FCHSD2: variants seen among roughly 807,000 people sequenced by gnomAD.
The protein encoded by FCHSD2 is FCH and double SH3 domains 2.
FCHSD2 carries 38 observed loss-of-function variants against 108.1 expected under a neutral mutation model. The ratio of observed to expected loss-of-function variants is 0.35; its 90% confidence interval spans 0.27 to 0.46. The LOEUF is 0.46. Ranked by LOEUF, FCHSD2 falls within the 20% of genes least tolerant of loss-of-function variation. The pLI is 1.00. For missense variants in FCHSD2, 751 were observed against 897.8 expected (o/e 0.84, Z 2.09); for synonymous variants, 279 against 314.7 (o/e 0.89, Z 1.20).
intron 8 of FCHSD2, among the ~76,000 whole-genome samples, chr11:72,932,314 C>T (rs1403363212): frequency 1.3e-5 from 2 of 152,174 alleles, no homozygotes; most frequent in East Asian, 1.9e-4. Flanking sequence ...CTCATTTCCA[C>T]TCTGCAGCTA....
intron 2 of FCHSD2, among the ~76,000 whole-genome samples, chr11:73,097,741 T>G (rs1860125479): frequency 6.6e-6 from 1 of 152,086 alleles, no homozygotes; most frequent in Non-Finnish European, 1.5e-5. Flanking sequence ...TCACCTGAAT[T>G]ATCTAATTTT....
At chr11:73,081,040 T>C (rs887435980) in intron 3 of FCHSD2, among the ~76,000 whole-genome samples, 4 of 152,120 alleles carry the variant, frequency 2.6e-5, no homozygotes, top group East Asian at 1.9e-4. Flanking sequence ...CTTTTAATCT[T>C]TGTGGAAAAA....
At chr11:72,944,047 T>G (rs1426406201) in intron 8 of FCHSD2, among the ~76,000 whole-genome samples, 1 of 152,238 alleles carries the variant, frequency 6.6e-6, no homozygotes, top group East Asian at 1.9e-4. Flanking sequence ...TAACTCATTT[T>G]ATGAGGCCAG....
At chr11:72,962,084 G>T (rs1014764326) in intron 8 of FCHSD2, among the ~76,000 whole-genome samples, 15 of 152,174 alleles carry the variant, frequency 9.9e-5, no homozygotes, top group Non-Finnish European at 5.9e-5. Flanking sequence ...TCTTCTAACT[G>T]AAGACAGTAA....
intron 8 of FCHSD2, among the ~76,000 whole-genome samples, chr11:72,934,109 A>AC: frequency 1.0e-5 from 1 of 97,998 alleles, no homozygotes; most frequent in African/African-American, 3.6e-5. Flanking sequence ...ACACTGTCTC[A>AC]GAAAAAAAAA....
chr11:72,951,772 A>G (rs1429891911), intron 8 of FCHSD2, among the ~76,000 whole-genome samples: 1 of 152,026 alleles, frequency 6.6e-6, no homozygotes, highest in Non-Finnish European at 1.5e-5. Flanking sequence ...TTTCCCATTG[A>G]TTTGAGGTTT....
At chr11:72,972,807 A>G (rs1857032404) in intron 8 of FCHSD2, among the ~76,000 whole-genome samples, 1 of 152,222 alleles carries the variant, frequency 6.6e-6, no homozygotes, top group Non-Finnish European at 1.5e-5. Flanking sequence ...ATCACATCCA[A>G]TTCATCTCTG....
intron 4 of FCHSD2, among the ~76,000 whole-genome samples, chr11:73,003,686 C>T (rs1012873799): frequency 1.5e-4 from 23 of 151,382 alleles, no homozygotes; most frequent in African/African-American, 5.6e-4. Flanking sequence ...CGGGGTTTCA[C>T]CGTTTTAGCC....
intron 2 of FCHSD2, among the ~76,000 whole-genome samples, chr11:73,114,020 G>T (rs1860552475): frequency 6.6e-6 from 1 of 152,068 alleles, no homozygotes; most frequent in South Asian, 2.1e-4. Context: ...TCCCTTTAGG[G>T]TGGCAATTTC....
intron 2 of FCHSD2, among the ~76,000 whole-genome samples, chr11:73,096,987 A>ATTTGTTTTTTTTTTTTTTTTTTTTT (rs1860096701): frequency 3.7e-5 from 1 of 27,020 alleles, no homozygotes; most frequent in African/African-American, 2.0e-4. Context: ...TCATTGATGG[A>ATTTGTTTTTTTTTTTTTTTTTTTTT]TTTTTTTTTT....
At chr11:73,003,488 A>AT (rs574233006) in intron 4 of FCHSD2, among the ~76,000 whole-genome samples, 2,425 of 139,324 alleles carry the variant, frequency 0.017, 34 homozygotes, top group Middle Eastern at 0.034. Flanking sequence ...TCATAGAGTG[A>AT]TTTTTTTTTT....
At chr11:72,868,553 T>C (rs1257743213) in intron 12 of FCHSD2, among the ~76,000 whole-genome samples, 2 of 152,010 alleles carry the variant, frequency 1.3e-5, no homozygotes, top group African/African-American at 4.8e-5. Context: ...TAGCTAGGCA[T>C]GGTATCATGG....
At chr11:72,910,378 C>T (rs998966985) in intron 9 of FCHSD2, among the ~76,000 whole-genome samples, 36 of 151,748 alleles carry the variant, frequency 2.4e-4, no homozygotes, top group African/African-American at 8.7e-4. Context: ...GCGGTTTTGT[C>T]GAAAAGAAAA....
chr11:73,072,012 T>C (rs181424075), intron 3 of FCHSD2, among the ~76,000 whole-genome samples: 74 of 152,020 alleles, frequency 4.9e-4, no homozygotes, highest in African/African-American at 1.7e-3. Context: ...TGATCAGCGG[T>C]CAGGGCAGGG....
At position 72,940,979 on chromosome 11, in the gene FCHSD2, T is replaced by C. The variant is rs1241340693; in HGVS notation, c.706-19029A>G. On this transcript the variant is annotated intron_variant, in intron 8 of 19. Coordinates refer to ENST00000409418, the MANE Select transcript of FCHSD2 (RefSeq NM_014824.3). ...AAAGCAGTCTATAAGCACAGGGAGA[T>C]GTGTGGGCTGACATCTACAGGCCGA... The C allele has an allele frequency of 1.7e-5, 13 of 750,862 alleles. 1 individual carries two copies. Among genetic ancestry groups the C allele is most frequent in the Admixed American group, 5.2e-5 (3 of 58,124 alleles). 46.5% of individuals were successfully genotyped at this position (750,862 alleles called of 1,614,324 possible).
chr11:72,983,243 G>A (rs900725696), intron 8 of FCHSD2, among the ~76,000 whole-genome samples: 59 of 150,470 alleles, frequency 3.9e-4, no homozygotes, highest in African/African-American at 1.4e-3. Context: ...GCAGTGAGCC[G>A]AGATCCCGCC....
At chr11:72,954,203 T>A (rs907807385) in intron 8 of FCHSD2, among the ~76,000 whole-genome samples, 5 of 137,456 alleles carry the variant, frequency 3.6e-5, no homozygotes, top group Admixed American at 7.3e-5. Context: ...GGGATTTTTT[T>A]TTTTTTTTTT....
intron 2 of FCHSD2, among the ~76,000 whole-genome samples, chr11:73,105,229 C>G (rs1860315183): frequency 6.6e-6 from 1 of 152,188 alleles, no homozygotes; most frequent in African/African-American, 2.4e-5. Context: ...GTATCAATTT[C>G]ATCTAAGACT....
chr11:73,033,373 A>G (rs1858412541), intron 3 of FCHSD2, among the ~76,000 whole-genome samples: 1 of 152,166 alleles, frequency 6.6e-6, no homozygotes, highest in Non-Finnish European at 1.5e-5. Context: ...TGATATGCAC[A>G]GTATGGAGGC....
Sources: allele counts gnomAD v4.1 joint callset (sites outside exome capture counted in the v4.1 genomes callset), GRCh38; gene constraint gnomAD v4.1.1; transcripts MANE v1.5; gene names NCBI Gene and HGNC (gene_info 2026-07-23, HGNC 2026-07-21).